ZNF793: variants seen among roughly 807,000 people sequenced by gnomAD.
ZNF793 encodes the protein zinc finger protein 793.
A neutral mutation model predicts 12.4 loss-of-function variants in ZNF793; 5 were observed. That is an observed-to-expected ratio of 0.40 (90% CI 0.21 to 0.84). The LOEUF (loss-of-function observed/expected upper bound fraction) is 0.84, where lower values mean the gene tolerates loss of function less well. ZNF793 is among the 40% of genes least tolerant of loss of function. The pLI, the probability that ZNF793 is intolerant of heterozygous loss-of-function variation, is 0.35. For missense variants in ZNF793, 456 were observed against 495.0 expected (o/e 0.92, Z 0.75); for synonymous variants, 162 against 172.4 (o/e 0.94, Z 0.47).
At chr19:37,529,442 T>G (rs2042440441) in intron 5 of ZNF793, among the ~76,000 whole-genome samples, 1 of 152,146 alleles carries the variant, frequency 6.6e-6, no homozygotes, top group Non-Finnish European at 1.5e-5. Flanking sequence ...TGAAAGTGCA[T>G]CTCTTGTAGG....
chr19:37,532,957 A>G (rs1000166166), intron 6 of ZNF793, among the ~76,000 whole-genome samples: 1 of 152,204 alleles, frequency 6.6e-6, no homozygotes, highest in African/African-American at 2.4e-5. Context: ...ATTCTCATAA[A>G]AGCCTTATGA....
intron 2 of ZNF793, among the ~76,000 whole-genome samples, chr19:37,508,763 T>A (rs1036846385): frequency 1.3e-5 from 2 of 152,106 alleles, no homozygotes; most frequent in African/African-American, 4.8e-5. Context: ...TGTAAAAGAT[T>A]TGGCTGAAAG....
At chr19:37,513,992 GCTGATAAAT>G in intron 2 of ZNF793, among the ~76,000 whole-genome samples, 1 of 152,172 alleles carries the variant, frequency 6.6e-6, no homozygotes, top group South Asian at 2.1e-4. Context: ...AAAAGGTAAA[GCTGATAAAT>G]CTGATTTTAA....
chr19:37,517,225 A>T (rs1299136045), intron 2 of ZNF793, among the ~76,000 whole-genome samples: 1 of 152,186 alleles, frequency 6.6e-6, no homozygotes, highest in East Asian at 1.9e-4. Flanking sequence ...CGAAGCAAAT[A>T]TTCATCATAG....
chr19:37,510,498 A>G (rs544745616), intron 2 of ZNF793, among the ~76,000 whole-genome samples: 1 of 148,556 alleles, frequency 6.7e-6, no homozygotes, highest in Non-Finnish European at 1.5e-5. Flanking sequence ...CTGGGCAACA[A>G]GAGTGAAACT....
In ZNF793 at chr19:37,532,352, A is replaced by C. The variant is rs771079235; in HGVS notation, c.16-4A>C. The stretch of plus-strand genomic sequence containing the variant: ...ATGACTCAATGTCATTTTTGTTTCA[A>C]CAGATACCTGTGTCATTCAAAGATG... On this transcript the variant is annotated splice_region_variant and splice_polypyrimidine_tract_variant and intron_variant, in intron 5 of 7. Coordinates refer to ENST00000627814, the MANE Select transcript of ZNF793 (RefSeq NM_001013659.3). 6 of 1,613,172 alleles carry C rather than the reference A, an allele frequency of 3.7e-6. No homozygotes were observed. The highest frequency in any genetic ancestry group is 2.2e-5 in the East Asian group (1 of 44,846).
At chr19:37,531,919 A>G (rs1208708453) in intron 5 of ZNF793, among the ~76,000 whole-genome samples, 1 of 152,154 alleles carries the variant, frequency 6.6e-6, no homozygotes, top group Non-Finnish European at 1.5e-5. Context: ...TCCCCACCAT[A>G]TATAACACAA....
At position 37,542,623 on chromosome 19, in the gene ZNF793, A is replaced by G. The variant is rs1350214893; in HGVS notation, c.*4744A>G. Reference sequence around the variant, plus strand: ...GGGAAATTGTAGAAAGGAAAAAACTATAGTGTATCCATTCCATAGAATGTT... The same window carrying G: ...GGGAAATTGTAGAAAGGAAAAAACTGTAGTGTATCCATTCCATAGAATGTT... On this transcript the variant is annotated 3_prime_UTR_variant, in exon 8 of 8. Coordinates refer to ENST00000627814, the MANE Select transcript of ZNF793 (RefSeq NM_001013659.3). 1.3e-4 allele frequency: 31 copies of G among 246,812 alleles called. 1 individual carries two copies. In the South Asian group the frequency reaches 1.3e-3, roughly 10 times the overall value. 15.3% of individuals were successfully genotyped at this position (246,812 alleles called of 1,614,324 possible).
Position 37,537,465 on chromosome 19 carries a change from C to T in ZNF793, c.807C>T (p.Thr269=), listed in dbSNP as rs2147114847. The change falls in exon 8 of 8, where the codon ACC becomes ACT. Residue 269 remains threonine, a synonymous_variant. Coordinates refer to ENST00000627814, the MANE Select transcript of ZNF793 (RefSeq NM_001013659.3). ...DCGKAFSHKS[T]LIKHQRIHTG... Reference sequence around the variant, plus strand: ...GGAAAGCCTTTTCACATAAGTCAACCCTCATCAAACACCAGAGAATTCACA... The same window carrying T: ...GGAAAGCCTTTTCACATAAGTCAACTCTCATCAAACACCAGAGAATTCACA... 6.2e-7 allele frequency: 1 copy of T among 1,613,924 alleles called. No individual in the cohort carries two copies. Among genetic ancestry groups the T allele is most frequent in the Non-Finnish European group, 8.5e-7 (1 of 1,179,868 alleles).
At position 37,532,755 on chromosome 19, in the gene ZNF793, G is replaced by T. The variant is rs537923221; in HGVS notation, c.142+273G>T. Among the ~76,000 whole-genome samples the T allele has an allele frequency of 2.2e-4, 33 of 151,854 alleles. No individual in the cohort carries two copies. The South Asian group carries it at 6.9e-3, about 32-fold the overall frequency. On this transcript the variant is annotated intron_variant, in intron 6 of 7. Transcript: ENST00000627814. ...AATTGCTTGAACCCGGGAGGCAGAGGTTTCAGTGAGCCGATATTGCACCAT... is the reference window on the plus strand; with the variant it reads ...AATTGCTTGAACCCGGGAGGCAGAGTTTTCAGTGAGCCGATATTGCACCAT...
chr19:37,525,293 C>T (rs1403980530), intron 5 of ZNF793, among the ~76,000 whole-genome samples: 2 of 151,894 alleles, frequency 1.3e-5, no homozygotes, highest in Non-Finnish European at 1.5e-5. Flanking sequence ...CGCCTGCCAC[C>T]ATGCCCGGCT....
rs1285494500 is a variant in ZNF793, at chr19:37,538,270, A to C, written c.*391A>C. ...TCTTATCATTTTAATGAATTTGAAC[A>C]GTGTGTTTTTATTTTATTTATTTAT... On this transcript the variant is annotated 3_prime_UTR_variant, in exon 8 of 8. Transcript: ENST00000627814. 6.4e-6 allele frequency: 1 copy of C among 157,136 alleles called. No individual in the cohort carries two copies. Among genetic ancestry groups the C allele is most frequent in the Admixed American group, 6.1e-5 (1 of 16,262 alleles). 9.7% of individuals were successfully genotyped at this position (157,136 alleles called of 1,614,324 possible).
chr19:37,508,754 G>A (rs1400570766), intron 2 of ZNF793, among the ~76,000 whole-genome samples: 1 of 152,132 alleles, frequency 6.6e-6, no homozygotes, highest in Non-Finnish European at 1.5e-5. Context: ...AAATGATAAT[G>A]TAAAAGATTT....
intron 5 of ZNF793, 87 bp downstream of exon 5, chr19:37,523,541 G>A: frequency 1.6e-6 from 2 of 1,281,222 alleles, no homozygotes; most frequent in Non-Finnish European, 2.3e-6. Flanking sequence ...AGTATGTACA[G>A]TTTGTACATA....
Position 37,542,345 on chromosome 19 carries a change from A to G in ZNF793, c.*4466A>G, listed in dbSNP as rs1461706992. On this transcript the variant is annotated 3_prime_UTR_variant, in exon 8 of 8. Transcript: ENST00000627814. ...GAGGCAGAGGTTGCAGTGAGCCAAG[A>G]TCGCGCCATTGCACTCCAACCTGGG... 3.4e-6 allele frequency: 1 copy of G among 289,924 alleles called. No homozygotes were observed. The highest frequency in any genetic ancestry group is 2.2e-5 in the African/African-American group (1 of 45,556). The allele number at this position is 289,924 out of a possible 1,614,324, so 18.0% of individuals were successfully genotyped here.
rs143752782 is a variant in ZNF793 at position 37,518,531 on chromosome 19, C to G, written c.-275-1653C>G. ...GGGACAGGCTAGGTGTGGTGGCTCA[C>G]ACCTATAATCCCAGCACTTTGGGAG... On this transcript the variant is annotated intron_variant, in intron 2 of 7. Coordinates refer to ENST00000627814, the MANE Select transcript of ZNF793 (RefSeq NM_001013659.3). 1.5e-3 allele frequency among the ~76,000 whole-genome samples: 222 copies of G among 150,950 alleles called. 1 individual carries two copies. The highest frequency in any genetic ancestry group is 2.4e-3 in the Non-Finnish European group (164 of 67,902).
intron 3 of ZNF793, among the ~76,000 whole-genome samples, chr19:37,521,982 C>T (rs1175806863): frequency 6.6e-6 from 1 of 151,882 alleles, no homozygotes; most frequent in Non-Finnish European, 1.5e-5. Flanking sequence ...GCTCCTTTAC[C>T]CATAAGTACT....
intron 7 of ZNF793, chr19:37,533,625 T>A (rs917464879): frequency 2.0e-6 from 1 of 488,012 alleles, no homozygotes; most frequent in Non-Finnish European, 3.6e-6. Flanking sequence ...TCTCTCTTTC[T>A]CCAGAATCTT....
Position 37,537,662 on chromosome 19 carries a change from G to A in ZNF793, c.1004G>A (p.Gly335Glu). The change falls in exon 8 of 8, where the codon GGA becomes GAA. Residue 335 changes from glycine to glutamate, a missense_variant. Transcript: ENST00000627814. ...YLNVHRKMHTGERPYRCRECG... is the reference protein window; with the variant it reads ...YLNVHRKMHTEERPYRCRECG... ...AATGTACATCGAAAAATGCACACAG[G>A]AGAAAGACCGTATCGTTGCAGAGAA... 6.2e-7 allele frequency: 1 copy of A among 1,613,686 alleles called. No homozygotes were observed.
Sources: allele counts gnomAD v4.1 joint callset (sites outside exome capture counted in the v4.1 genomes callset), GRCh38; gene constraint gnomAD v4.1.1; transcripts MANE v1.5; gene names NCBI Gene and HGNC (gene_info 2026-07-23, HGNC 2026-07-21).